INPP5D: variants seen among roughly 807,000 people sequenced by gnomAD.
INPP5D encodes the protein inositol polyphosphate-5-phosphatase D, also known as phosphatidylinositol 3,4,5-trisphosphate 5-phosphatase 1.
INPP5D carries 33 observed loss-of-function variants against 122.9 expected under a neutral mutation model. The ratio of observed to expected loss-of-function variants is 0.27; its 90% CI spans 0.20 to 0.36. The LOEUF (loss-of-function observed/expected upper bound fraction) is 0.36, where lower values mean the gene tolerates loss of function less well. INPP5D is among the 10% of genes least tolerant of loss of function. The pLI, the probability that INPP5D is intolerant of heterozygous loss-of-function variation, is 1.00. For missense variants in INPP5D, 1,053 were observed against 1,412.7 expected (o/e 0.75, Z 4.08); for synonymous variants, 584 against 576.2 (o/e 1.01, Z -0.19).
At position 233,198,247 on chromosome 2, in the gene INPP5D, A is replaced by G. The variant is rs202145539; in HGVS notation, c.2846A>G (p.Lys949Arg). The G allele has an allele frequency of 6.7e-4, 1,089 of 1,613,570 alleles. 9 individuals carry two copies. In the African/African-American group the frequency reaches 0.013, roughly 20 times the overall value. Residue 949 changes from lysine to arginine, a missense_variant, in exon 25 of 27, where the codon AAG (lysine) becomes AGG (arginine). Lys to Arg is a conservative substitution (Grantham distance 26). Transcript: ENST00000445964. ...PTAWSYDQPPKDSPLGPCRGE... is the reference protein window; with the variant it reads ...PTAWSYDQPPRDSPLGPCRGE... Reference sequence around the variant, plus strand: ...GCCTGGAGCTACGACCAGCCGCCCAAGGACTCCCCGCTGGGGCCCTGCAGG... The same window carrying G: ...GCCTGGAGCTACGACCAGCCGCCCAGGGACTCCCCGCTGGGGCCCTGCAGG...
intron 2 of INPP5D, among the ~76,000 whole-genome samples, chr2:233,103,357 AT>A (rs1367868838): frequency 1.3e-5 from 2 of 152,162 alleles, no homozygotes; most frequent in Non-Finnish European, 2.9e-5. Context: ...ATTGTACCTG[AT>A]TATTCTCCAC....
chr2:233,177,958 T>G lies in INPP5D; in HGVS notation c.2071+612T>G, dbSNP rs1254224724. On this transcript the variant is annotated intron_variant, in intron 18 of 26. Transcript: ENST00000445964. This position sits in a 1 kb window ranked among gnomAD's most constrained non-coding sequence, Gnocchi z 4.2. ...AACCATATGAAAGTGTTTTTGTAGG[T>G]CAGAAATAGTTATTGGAAATTCATA... Among the ~76,000 whole-genome samples, 1 of 152,206 alleles carries G rather than the reference T, an allele frequency of 6.6e-6. No individual in the cohort carries two copies. Among genetic ancestry groups the G allele is most frequent in the East Asian group, 1.9e-4 (1 of 5,204 alleles).
intron 25 of INPP5D, among the ~76,000 whole-genome samples, chr2:233,199,180 G>A (rs769317501): frequency 1.6e-4 from 24 of 151,948 alleles, no homozygotes; most frequent in Non-Finnish European, 2.8e-4. Flanking sequence ...AGAGGTTGCA[G>A]TGAGCCAAGA....
intron 11 of INPP5D, 141 bp from the exon 12 acceptor site, chr2:233,163,566 G>A: frequency 6.8e-7 from 1 of 1,461,832 alleles, no homozygotes; most frequent in Non-Finnish European, 9.1e-7. Context: ...GGCCTCCATT[G>A]CAGGCATTTC....
chr2:233,069,849 A>G (rs1691327503), intron 1 of INPP5D, among the ~76,000 whole-genome samples: 1 of 152,302 alleles, frequency 6.6e-6, no homozygotes, highest in South Asian at 2.1e-4. Context: ...GATTCCGAGG[A>G]GTGGAATTAC....
intron 3 of INPP5D, among the ~76,000 whole-genome samples, chr2:233,124,511 C>A (rs904988802): frequency 6.6e-6 from 1 of 152,210 alleles, no homozygotes; most frequent in African/African-American, 2.4e-5. Flanking sequence ...GTGAGCACTG[C>A]CCTCTGGAAT....
intron 9 of INPP5D, among the ~76,000 whole-genome samples, chr2:233,152,564 C>T (rs745789872): frequency 2.6e-5 from 4 of 152,134 alleles, no homozygotes; most frequent in Admixed American, 1.3e-4. Context: ...AAACTCTAGA[C>T]CTGGGGATTT....
intron 2 of INPP5D, among the ~76,000 whole-genome samples, chr2:233,108,425 C>T (rs920855707): frequency 1.3e-5 from 2 of 152,242 alleles, no homozygotes; most frequent in African/African-American, 4.8e-5. Flanking sequence ...ATATCAAACC[C>T]ACCTGCACTA....
chr2:233,194,111 C>T, intron 23 of INPP5D, 150 bp downstream of exon 23: 1 of 1,319,956 alleles, frequency 7.6e-7, no homozygotes, highest in Non-Finnish European at 1.0e-6. Flanking sequence ...CAATCTGGCC[C>T]AACCCTCACT....
At position 233,180,070 on chromosome 2, in the gene INPP5D, C is replaced by G. The variant is rs141958382; in HGVS notation, c.2072-2340C>G. On this transcript the variant is annotated intron_variant, in intron 18 of 26. Coordinates refer to ENST00000445964, the MANE Select transcript of INPP5D (RefSeq NM_001017915.3). ...GTACTCATCATCCAGCAGGCCAGTGCTGGCTTCTTAGCTTCCTGGTCTCAG... is the reference window on the plus strand; with the variant it reads ...GTACTCATCATCCAGCAGGCCAGTGGTGGCTTCTTAGCTTCCTGGTCTCAG... Among the ~76,000 whole-genome samples, 501 of 152,262 alleles carry G rather than the reference C, an allele frequency of 3.3e-3. 2 individuals carry two copies. Among genetic ancestry groups the G allele is most frequent in the African/African-American group, 9.6e-3 (399 of 41,552 alleles).
intron 10 of INPP5D, 110 bp downstream of exon 10, chr2:233,158,529 A>G: frequency 3.6e-6 from 2 of 555,160 alleles, no homozygotes; most frequent in East Asian, 6.2e-5. Context: ...CAGTTCCCAG[A>G]ACAACCCATT....
intron 6 of INPP5D, among the ~76,000 whole-genome samples, chr2:233,143,098 C>T (rs941059527): frequency 4.6e-5 from 7 of 152,182 alleles, no homozygotes; most frequent in Non-Finnish European, 7.3e-5. Context: ...TCTATTCCCC[C>T]ATCAGCAAAA....
At position 233,172,186 on chromosome 2, in the gene INPP5D, C is replaced by T. The variant is rs138317000; in HGVS notation, c.1989+1034C>T. Among the ~76,000 whole-genome samples the T allele has an allele frequency of 1.8e-3, 278 of 152,318 alleles. 1 individual carries two copies. Among genetic ancestry groups the T allele is most frequent in the African/African-American group, 6.0e-3 (249 of 41,566 alleles). On this transcript the variant is annotated intron_variant, in intron 17 of 26. Coordinates refer to ENST00000445964, the MANE Select transcript of INPP5D (RefSeq NM_001017915.3). The stretch of plus-strand genomic sequence containing the variant: ...GATAAGGTCACCTGGCCCAAAGGCA[C>T]TGTCAGAGCAGGTCCTTGGGGATCC...
At chr2:233,083,186 C>T (rs1157956768) in intron 2 of INPP5D, among the ~76,000 whole-genome samples, 1 of 152,214 alleles carries the variant, frequency 6.6e-6, no homozygotes, top group Non-Finnish European at 1.5e-5. Context: ...GTAGAGATCA[C>T]ACACATACCT....
chr2:233,149,208 A>G (rs1201757263), intron 9 of INPP5D, among the ~76,000 whole-genome samples: 2 of 146,940 alleles, frequency 1.4e-5, no homozygotes, highest in Non-Finnish European at 3.0e-5. Context: ...GGTTCAAGTG[A>G]TTCTTCTGCC....
chr2:233,090,183 A>G, intron 2 of INPP5D, among the ~76,000 whole-genome samples: 1 of 152,210 alleles, frequency 6.6e-6, no homozygotes, highest in East Asian at 1.9e-4. Context: ...AGAGGCTTCT[A>G]TTGACCACTC....
At chr2:233,174,381 T>C (rs1694566674) in intron 17 of INPP5D, among the ~76,000 whole-genome samples, 1 of 152,222 alleles carries the variant, frequency 6.6e-6, no homozygotes, top group Admixed American at 6.5e-5. Context: ...TCCAGCTCCA[T>C]TATAATTTTG....
At chr2:233,186,120 G>T (rs1694907397) in intron 21 of INPP5D, among the ~76,000 whole-genome samples, 195 bp downstream of exon 21, 1 of 152,198 alleles carries the variant, frequency 6.6e-6, no homozygotes, top group Non-Finnish European at 1.5e-5. Context: ...CAGTGGGTAT[G>T]TGGCCTTATT....
At chr2:233,096,968 G>A (rs1692161037) in intron 2 of INPP5D, among the ~76,000 whole-genome samples, 1 of 151,912 alleles carries the variant, frequency 6.6e-6, no homozygotes, top group Non-Finnish European at 1.5e-5. Context: ...ATTTATTTAG[G>A]GAAAATGCTA....
Sources: allele counts gnomAD v4.1 joint callset (sites outside exome capture counted in the v4.1 genomes callset), GRCh38; gene constraint gnomAD v4.1.1; non-coding constraint Gnocchi (gnomAD v3.1); transcripts MANE v1.5; gene names NCBI Gene and HGNC (gene_info 2026-07-23, HGNC 2026-07-21).